NEK10: variants seen among roughly 807,000 people sequenced by gnomAD.
NEK10 encodes NIMA related kinase 10.
A neutral mutation model predicts 159.8 loss-of-function variants in NEK10; 122 were observed. The ratio of observed to expected loss-of-function variants is 0.76; its 90% confidence interval spans 0.66 to 0.89. NEK10 has a LOEUF of 0.89. Among genes scored for constraint, NEK10 ranks in the 40% least tolerant of loss-of-function variants. The pLI is 0.00. For missense variants in NEK10, 1,342 were observed against 1,323.1 expected (o/e 1.01, Z -0.22); for synonymous variants, 466 against 457.1 (o/e 1.02, Z -0.25).
At chr3:27,146,807 G>A (rs17317135) in intron 30 of NEK10, among the ~76,000 whole-genome samples, 5,057 of 152,282 alleles carry the variant, frequency 0.033, 120 homozygotes, top group Non-Finnish European at 0.049. Flanking sequence ...GGGTGTGAGG[G>A]AAGTTGTATG....
intron 23 of NEK10, among the ~76,000 whole-genome samples, chr3:27,218,990 AC>A (rs1951830132): frequency 6.6e-6 from 1 of 152,222 alleles, no homozygotes; most frequent in Admixed American, 6.5e-5. Flanking sequence ...TTCTCCCTCA[AC>A]ACAAGAAGGG....
intron 22 of NEK10, among the ~76,000 whole-genome samples, chr3:27,271,024 A>C (rs554538089): frequency 7.2e-5 from 11 of 152,280 alleles, no homozygotes; most frequent in African/African-American, 2.4e-4. Flanking sequence ...TGAAAGATCC[A>C]TGAGAGGACT....
chr3:27,235,720 A>G (rs1436624865), intron 23 of NEK10, among the ~76,000 whole-genome samples: 1 of 152,160 alleles, frequency 6.6e-6, no homozygotes, highest in Non-Finnish European at 1.5e-5. Flanking sequence ...TCAAAGACCT[A>G]AAGACAGAAA....
intron 1 of NEK10, among the ~76,000 whole-genome samples, chr3:27,366,610 G>T (rs1249954259): frequency 6.6e-6 from 1 of 152,150 alleles, no homozygotes; most frequent in African/African-American, 2.4e-5. Flanking sequence ...AAACCCATTA[G>T]ATGGTCAATA....
At chr3:27,213,771 C>A (rs138864884) in intron 23 of NEK10, among the ~76,000 whole-genome samples, 6 of 152,068 alleles carry the variant, frequency 3.9e-5, no homozygotes, top group Non-Finnish European at 8.8e-5. Flanking sequence ...TAGCATCACA[C>A]GACAGATAGC....
At chr3:27,209,693 G>A (rs1950835286) in intron 23 of NEK10, among the ~76,000 whole-genome samples, 1 of 152,142 alleles carries the variant, frequency 6.6e-6, no homozygotes, top group South Asian at 2.1e-4. Context: ...AGCAAAGGTG[G>A]GCCACGACTG....
chr3:27,296,711 T>C (rs2043379705), intron 14 of NEK10, among the ~76,000 whole-genome samples: 2 of 152,200 alleles, frequency 1.3e-5, no homozygotes, highest in African/African-American at 4.8e-5. Flanking sequence ...AACATGTATA[T>C]ATAGCTGTAC....
Position 27,108,498 on chromosome 3 carries a change from C to T in NEK10, c.*2774G>A, listed in dbSNP as rs564851780. On this transcript the variant is annotated 3_prime_UTR_variant, in exon 36 of 36. Coordinates refer to ENST00000691995, the MANE Select transcript of NEK10 (RefSeq NM_001394966.1). The stretch of plus-strand genomic sequence containing the variant: ...CATAATTCAGAAAGAGCTGGTGGGT[C>T]GAAACATAATTAACGGGAGCATTTG... 6.6e-6 allele frequency among the ~76,000 whole-genome samples: 1 copy of T among 152,118 alleles called. No homozygotes were observed.
intron 23 of NEK10, among the ~76,000 whole-genome samples, chr3:27,254,125 G>A (rs757934108): frequency 6.6e-5 from 10 of 152,080 alleles, no homozygotes; most frequent in African/African-American, 1.4e-4. Context: ...CCCGGCCCAC[G>A]GACCGCATGT....
At chr3:27,335,944 C>A (rs2046772948) in intron 5 of NEK10, among the ~76,000 whole-genome samples, 1 of 152,008 alleles carries the variant, frequency 6.6e-6, no homozygotes, top group Admixed American at 6.6e-5. Context: ...TAATACACCT[C>A]AAGATACTAG....
intron 25 of NEK10, among the ~76,000 whole-genome samples, chr3:27,197,517 GC>G (rs1949663602): frequency 6.6e-6 from 1 of 152,108 alleles, no homozygotes; most frequent in Non-Finnish European, 1.5e-5. Context: ...ACATGACTTA[GC>G]CCCAGGTAGG....
chr3:27,327,342 A>C (rs1285718257), intron 5 of NEK10, among the ~76,000 whole-genome samples: 1 of 152,238 alleles, frequency 6.6e-6, no homozygotes, highest in Non-Finnish European at 1.5e-5. Flanking sequence ...AGCCACACAG[A>C]AGCAAATTCA....
chr3:27,209,458 C>T (rs1487508325), intron 23 of NEK10, among the ~76,000 whole-genome samples: 1 of 152,206 alleles, frequency 6.6e-6, no homozygotes, highest in African/African-American at 2.4e-5. Context: ...TCTCATGTTG[C>T]ATGAAGCTAT....
chr3:27,279,766 T>C (rs888270925), intron 22 of NEK10, among the ~76,000 whole-genome samples: 4 of 152,206 alleles, frequency 2.6e-5, no homozygotes, highest in African/African-American at 9.6e-5. Context: ...CTGAGCTCAC[T>C]AGCTTCTGTG....
chr3:27,113,496 T>A (rs1406269495), intron 35 of NEK10, among the ~76,000 whole-genome samples: 1 of 151,322 alleles, frequency 6.6e-6, no homozygotes, highest in African/African-American at 2.4e-5. Flanking sequence ...TATGGATTTT[T>A]AAATGTGATT....
chr3:27,304,790 G>A lies in NEK10; in HGVS notation c.985C>T (p.Arg329Cys), dbSNP rs772648828. 2.4e-5 allele frequency: 38 copies of A among 1,613,690 alleles called. No individual in the cohort carries two copies. The highest frequency in any genetic ancestry group is 8.8e-5 in the South Asian group (8 of 91,078). The part of the protein sequence containing the change: ...CEDPETSVEI[R>C]IWGGIKQLLH... ...AGCTGTTTGATGCCTCCCCAAATGC[G>A]AATTTCCACGCTGGTCTCAGGGTCC... Residue 329 changes from arginine (R) to cysteine (C), a missense_variant, in exon 12 of 36, where the codon CGC becomes TGC. Physicochemically the swap from Arg to Cys is radical, Grantham distance 180. Transcript: ENST00000691995.
chr3:27,128,276 C>G (rs551632772), intron 32 of NEK10, among the ~76,000 whole-genome samples: 2 of 152,148 alleles, frequency 1.3e-5, no homozygotes, highest in South Asian at 4.1e-4. Context: ...TAATCTACAG[C>G]CTTAATCAGA....
chr3:27,206,454 T>G (rs1272594407), intron 23 of NEK10: 1 of 247,506 alleles, frequency 4.0e-6, no homozygotes, highest in Non-Finnish European at 6.4e-6. Context: ...GGAGAGGAGG[T>G]AAGGTGGCAA....
At chr3:27,329,841 T>G (rs116324047) in intron 5 of NEK10, among the ~76,000 whole-genome samples, 9,105 of 152,296 alleles carry the variant, frequency 0.06, 348 homozygotes, top group Middle Eastern at 0.15. Flanking sequence ...CAAATGAGGC[T>G]TAAGAAGGTT....
Sources: gnomAD v4.1 joint callset for allele counts (sites outside exome capture counted in the v4.1 genomes callset) on GRCh38, gnomAD v4.1.1 for gene constraint, MANE v1.5 for transcripts, NCBI Gene and HGNC (gene_info 2026-07-23, HGNC 2026-07-21) for gene names.